Variants in OTOGL observed in about 807,000 individuals in gnomAD.
OTOGL encodes the protein otogelin like, also known as otogelin-like protein.
Under a neutral mutation model 318.5 loss-of-function variants are expected in OTOGL, and 285 were observed. The ratio of observed to expected loss-of-function variants is 0.89; its 90% CI spans 0.81 to 0.99. OTOGL has a LOEUF of 0.99. OTOGL is among the 50% of genes least tolerant of loss of function. The pLI, the probability that OTOGL is intolerant of heterozygous loss-of-function variation, is 0.00. For missense variants in OTOGL, 2,899 were observed against 2,845.6 expected (o/e 1.02, Z -0.43); for synonymous variants, 987 against 936.5 (o/e 1.05, Z -0.99).
intron 9 of OTOGL, among the ~76,000 whole-genome samples, chr12:80,233,748 C>T (rs1012612767): frequency 2.0e-4 from 31 of 152,092 alleles, no homozygotes; most frequent in African/African-American, 7.5e-4. Context: ...TGACTTAGGT[C>T]CATACAAGGA....
chr12:80,180,519 C>T (rs1874848215), intron 1 of OTOGL, among the ~76,000 whole-genome samples: 1 of 152,158 alleles, frequency 6.6e-6, no homozygotes, highest in South Asian at 2.1e-4. Context: ...TGTGGGGGAA[C>T]ACTAAGGGCA....
At chr12:80,138,632 A>G (rs1042526685) in intron 1 of OTOGL, among the ~76,000 whole-genome samples, 2 of 152,196 alleles carry the variant, frequency 1.3e-5, no homozygotes, top group Non-Finnish European at 2.9e-5. Context: ...TGATTCCAAC[A>G]CTGAAAGCCA....
chr12:80,159,439 C>T (rs770547176), intron 1 of OTOGL, among the ~76,000 whole-genome samples: 6 of 152,064 alleles, frequency 3.9e-5, no homozygotes, highest in Non-Finnish European at 7.4e-5. Flanking sequence ...TGATAGAATT[C>T]AGCTGTGAAT....
chr12:80,219,944 T>G lies in OTOGL; in HGVS notation c.334+32T>G, dbSNP rs1227796903. On this transcript the variant is annotated intron_variant, in intron 6 of 58. Coordinates refer to ENST00000547103, the MANE Select transcript of OTOGL (RefSeq NM_001378609.3). The stretch of plus-strand genomic sequence containing the variant: ...TTCAGGGATGCTTGTGAGATAATTA[T>G]GAGATACCAAGGAGAAAATTAAGGC... The G allele has an allele frequency of 3.4e-6, 5 of 1,452,260 alleles. No individual in the cohort carries two copies. The South Asian group carries it at 5.9e-5, about 17-fold the overall frequency. 90.0% of individuals were successfully genotyped at this position (1,452,260 alleles called of 1,614,324 possible). A position where few individuals can be genotyped will look rare whatever the true frequency, so the allele number is the denominator to read the frequency against.
Position 80,380,128 on chromosome 12 carries a change from C to A in OTOGL, c.*2080C>A, listed in dbSNP as rs1891379420. On this transcript the variant is annotated 3_prime_UTR_variant, in exon 59 of 59. Transcript: ENST00000547103. ...CATACATCCATTGACATTAGGATAA[C>A]CTCCAAATGAATCAGAGATTTAAAT... 6.6e-6 allele frequency: 1 copy of A among 151,790 alleles called. No individual in the cohort carries two copies. Among genetic ancestry groups the A allele is most frequent in the South Asian group, 2.1e-4 (1 of 4,808 alleles). 9.4% of individuals were successfully genotyped at this position (151,790 alleles called of 1,614,324 possible).
At chr12:80,316,263 A>T (rs980271966) in intron 32 of OTOGL, among the ~76,000 whole-genome samples, 8 of 152,076 alleles carry the variant, frequency 5.3e-5, no homozygotes, top group Non-Finnish European at 8.8e-5. Flanking sequence ...CAGGTTCTAC[A>T]TAATGTGCAC....
intron 8 of OTOGL, among the ~76,000 whole-genome samples, chr12:80,230,064 G>A (rs1484703089): frequency 6.6e-6 from 1 of 151,848 alleles, no homozygotes; most frequent in Non-Finnish European, 1.5e-5. Flanking sequence ...TAATTATAGA[G>A]AGACTCAGTT....
At chr12:80,241,463 GT>G (rs144603223) in intron 11 of OTOGL, among the ~76,000 whole-genome samples, 2,508 of 151,372 alleles carry the variant, frequency 0.017, 68 homozygotes, top group African/African-American at 0.057. Context: ...CTTTGTTGTT[GT>G]TTTTTTTCTC....
chr12:80,307,834 A>ACCTC, intron 29 of OTOGL, among the ~76,000 whole-genome samples: 2 of 116,230 alleles, frequency 1.7e-5, no homozygotes, highest in Admixed American at 8.6e-5. Context: ...GGCACCCCTC[A>ACCTC]CCTCCCGGAC....
At chr12:80,316,839 T>C (rs985783071) in intron 32 of OTOGL, among the ~76,000 whole-genome samples, 2 of 152,198 alleles carry the variant, frequency 1.3e-5, no homozygotes, top group South Asian at 2.1e-4. Context: ...ATTTCACAGC[T>C]ATCATAAATT....
At chr12:80,125,584 T>C (rs1018493736) in intron 1 of OTOGL, among the ~76,000 whole-genome samples, 2 of 152,244 alleles carry the variant, frequency 1.3e-5, no homozygotes, top group African/African-American at 4.8e-5. Context: ...TCTCTTTTTC[T>C]ATTGTTTGGA....
At chr12:80,174,186 T>A (rs1193742606) in intron 1 of OTOGL, among the ~76,000 whole-genome samples, 34 of 152,226 alleles carry the variant, frequency 2.2e-4, no homozygotes. Flanking sequence ...TCCAGATTTT[T>A]ACATTACCCA....
chr12:80,310,484 C>T (rs777710466), intron 29 of OTOGL, 127 bp from the exon 30 acceptor site: 11 of 627,006 alleles, frequency 1.8e-5, no homozygotes, highest in East Asian at 8.2e-5. Flanking sequence ...AGGTGCTTTA[C>T]GCAAATCCTA....
chr12:80,236,809 T>C (rs570615737), intron 9 of OTOGL, among the ~76,000 whole-genome samples: 1 of 148,964 alleles, frequency 6.7e-6, no homozygotes, highest in African/African-American at 2.5e-5. Context: ...TTTTTTCTTT[T>C]TCTTTTCTTT....
rs753413572 is a variant in OTOGL, at chr12:80,266,445, C to A, written c.2225-6C>A. 1 of 1,613,090 alleles carries A rather than the reference C, an allele frequency of 6.2e-7. No homozygotes were observed. Among genetic ancestry groups the A allele is most frequent in the Non-Finnish European group, 8.5e-7 (1 of 1,179,430 alleles). Reference sequence around the variant, plus strand: ...TCTTTCTCAAGTGATACTTCTTTGTCCTTAGCTGTGGTGTGCCAGAAGGGC... The same window carrying A: ...TCTTTCTCAAGTGATACTTCTTTGTACTTAGCTGTGGTGTGCCAGAAGGGC... On this transcript the variant is annotated splice_polypyrimidine_tract_variant and splice_region_variant and intron_variant, in intron 20 of 58. Coordinates refer to ENST00000547103, the MANE Select transcript of OTOGL (RefSeq NM_001378609.3).
chr12:80,220,507 A>C (rs1216532860), intron 6 of OTOGL, among the ~76,000 whole-genome samples: 5 of 150,388 alleles, frequency 3.3e-5, no homozygotes, highest in Non-Finnish European at 7.4e-5. Flanking sequence ...CTTTTGCTTT[A>C]TAAAACAGAT....
At chr12:80,177,251 A>C (rs1874589087) in intron 1 of OTOGL, among the ~76,000 whole-genome samples, 1 of 151,842 alleles carries the variant, frequency 6.6e-6, no homozygotes, top group Non-Finnish European at 1.5e-5. Flanking sequence ...AATTTTAGCT[A>C]TTAATTTAAG....
In OTOGL at chr12:80,367,708, C is replaced by T. The variant is rs763361932; in HGVS notation, c.6479C>T (p.Thr2160Ile). The change falls in exon 54 of 59, where the codon ACA (threonine) becomes ATA (isoleucine). Residue 2160 changes from threonine (T) to isoleucine (I), a missense_variant. Thr to Ile is a moderately conservative substitution (Grantham distance 89). Transcript: ENST00000547103. ...NHTGFHTLNF[T>I]LVNCSKKCDV... ...ACGGGCTTTCACACTCTGAATTTTACACTGGTGAATTGTTCAAAAAAATGT... is the reference window on the plus strand; with the variant it reads ...ACGGGCTTTCACACTCTGAATTTTATACTGGTGAATTGTTCAAAAAAATGT... 6.9e-7 allele frequency: 1 copy of T among 1,455,078 alleles called. No homozygotes were observed. The highest frequency in any genetic ancestry group is 9.1e-7 in the Non-Finnish European group (1 of 1,099,498). 90.1% of individuals were successfully genotyped at this position (1,455,078 alleles called of 1,614,324 possible).
intron 52 of OTOGL, among the ~76,000 whole-genome samples, chr12:80,360,770 G>A (rs966915031): frequency 2.0e-5 from 3 of 151,880 alleles, no homozygotes; most frequent in East Asian, 3.9e-4. Flanking sequence ...GTGAGCCACC[G>A]CGCCTGGCTG....
Sources: allele counts gnomAD v4.1 joint callset (sites outside exome capture counted in the v4.1 genomes callset), GRCh38; gene constraint gnomAD v4.1.1; transcripts MANE v1.5; gene names NCBI Gene and HGNC (gene_info 2026-07-23, HGNC 2026-07-21).